TMEM86A: variants seen among roughly 807,000 people sequenced by gnomAD.
TMEM86A encodes the protein lysoplasmalogenase TMEM86A.
A neutral mutation model predicts 19.8 loss-of-function variants in TMEM86A; 13 were observed. That is an observed-to-expected ratio of 0.66 (90% confidence interval 0.43 to 1.04). The LOEUF is 1.04. Among genes scored for constraint, TMEM86A ranks in the 50% least tolerant of loss-of-function variants. TMEM86A has a pLI of 0.00. For missense variants in TMEM86A, 248 were observed against 306.8 expected, an observed-to-expected ratio of 0.81 and a Z score of 1.43; for synonymous variants, 128 against 129.9, an observed-to-expected ratio of 0.99 and a Z score of 0.10.
Position 18,704,628 on chromosome 11 carries a change from G to A in TMEM86A, c.*2619G>A. On this transcript the variant is annotated 3_prime_UTR_variant, in exon 3 of 3. Coordinates refer to ENST00000280734, the MANE Select transcript of TMEM86A (RefSeq NM_153347.3). ...CTGGACTTCCTATGCAGGAAACCAG[G>A]AGCTGGACCCTGGGACCCTTAATCT... 1.2e-6 allele frequency: 1 copy of A among 827,244 alleles called. No homozygotes were observed. Among genetic ancestry groups the A allele is most frequent in the African/African-American group, 1.7e-5 (1 of 59,136 alleles). The allele number at this position is 827,244 out of a possible 1,614,324, so 51.2% of individuals were successfully genotyped here. A position where few individuals can be genotyped will look rare whatever the true frequency, so the allele number is the denominator to read the frequency against.
intron 1 of TMEM86A, among the ~76,000 whole-genome samples, chr11:18,700,204 G>T (rs1848136127): frequency 6.6e-6 from 1 of 152,124 alleles, no homozygotes; most frequent in African/African-American, 2.4e-5. Flanking sequence ...GCCTCTTTCT[G>T]GTGTGGCTTG....
rs1848156069 is a variant in TMEM86A at position 18,702,005 on chromosome 11, A to G, written c.719A>G (p.Asn240Ser). The G allele has an allele frequency of 4.4e-6, 7 of 1,604,304 alleles. No homozygotes were observed. In the African/African-American group the frequency reaches 8.0e-5, roughly 18 times the overall value. ...PVEHYRLTKA[N>S] ...GAACACTACAGACTGACCAAGGCCA[A>G]CTGAGGTGCCAGGGTCTGGTCACCC... The change falls in exon 3 of 3, where the codon AAC becomes AGC. Residue 240 changes from asparagine (N) to serine (S), a missense_variant. Transcript: ENST00000280734.
chr11:18,698,854 C>T lies in TMEM86A; in HGVS notation c.-33C>T. The T allele has an allele frequency of 1.5e-6, 1 of 672,928 alleles. No homozygotes were observed. The highest frequency in any genetic ancestry group is 2.7e-6 in the Non-Finnish European group (1 of 375,230). The allele number at this position is 672,928 out of a possible 1,614,324, so 41.7% of individuals were successfully genotyped here. A position where few individuals can be genotyped will look rare whatever the true frequency, so the allele number is the denominator to read the frequency against. Reference sequence around the variant, plus strand: ...TGGGCGCGTCCTGGCCGCTGCAGCCCGGAGCAGGGTGCCAGCCGCCGCCGC... The same window carrying T: ...TGGGCGCGTCCTGGCCGCTGCAGCCTGGAGCAGGGTGCCAGCCGCCGCCGC... On this transcript the variant is annotated 5_prime_UTR_variant, in exon 1 of 3. Transcript: ENST00000280734.
In TMEM86A at chr11:18,701,626, C is replaced by G. The variant is rs200662128; in HGVS notation, c.340C>G (p.Gln114Glu). The change falls in exon 3 of 3, where the codon CAG (glutamine) becomes GAG (glutamate). Residue 114 changes from glutamine (Q) to glutamate (E), a missense_variant. Transcript: ENST00000280734. This position sits in a 1 kb window ranked among gnomAD's most constrained non-coding sequence, Gnocchi z 5.3. Reference protein sequence around the residue: ...HMFYASAFGMQPLALRTGLVM... With the variant: ...HMFYASAFGMEPLALRTGLVM... ...GTTCTACGCCTCGGCCTTTGGCATG[C>G]AGCCACTGGCTCTTCGGACAGGTCT... is the stretch of plus-strand genomic sequence containing the variant. 8.2e-6 allele frequency: 13 copies of G among 1,591,016 alleles called. No individual in the cohort carries two copies. The East Asian group carries it at 2.7e-4, about 33-fold the overall frequency.
At position 18,703,595 on chromosome 11, in the gene TMEM86A, A is replaced by G. The variant is rs1047990202; in HGVS notation, c.*1586A>G. The stretch of plus-strand genomic sequence containing the variant: ...CATTCATTAGTTGTAAAGCCCTGGC[A>G]GAATAATACATCACTCTGCTCCAGG... On this transcript the variant is annotated 3_prime_UTR_variant, in exon 3 of 3. Transcript: ENST00000280734. 3.9e-5 allele frequency: 6 copies of G among 152,240 alleles called. No homozygotes were observed. Among genetic ancestry groups the G allele is most frequent in the African/African-American group, 1.4e-4 (6 of 41,462 alleles). The allele number at this position is 152,240 out of a possible 1,614,324, so 9.4% of individuals were successfully genotyped here.
chr11:18,702,029 C>G lies in TMEM86A; in HGVS notation c.*20C>G. 1.3e-6 allele frequency: 2 copies of G among 1,598,038 alleles called. No homozygotes were observed. The highest frequency in any genetic ancestry group is 1.7e-6 in the Non-Finnish European group (2 of 1,176,988). On this transcript the variant is annotated 3_prime_UTR_variant, in exon 3 of 3. Transcript: ENST00000280734. Reference sequence around the variant, plus strand: ...AACTGAGGTGCCAGGGTCTGGTCACCCCTCTCTCCTCCTGGGGCTGGGGCC... The same window carrying G: ...AACTGAGGTGCCAGGGTCTGGTCACGCCTCTCTCCTCCTGGGGCTGGGGCC...
In TMEM86A at chr11:18,702,695, C is replaced by T. The variant is rs1325397355; in HGVS notation, c.*686C>T. 2 of 155,508 alleles carry T rather than the reference C, an allele frequency of 1.3e-5. No individual in the cohort carries two copies. Among genetic ancestry groups the T allele is most frequent in the African/African-American group, 4.8e-5 (2 of 41,452 alleles). The allele number at this position is 155,508 out of a possible 1,614,324, so 9.6% of individuals were successfully genotyped here. ...TAGCCCCATCTCTCTCTCGGGCAAGCCCAAAGCTCAGGTCCCATACGCTAC... is the reference window on the plus strand; with the variant it reads ...TAGCCCCATCTCTCTCTCGGGCAAGTCCAAAGCTCAGGTCCCATACGCTAC... On this transcript the variant is annotated 3_prime_UTR_variant, in exon 3 of 3. Coordinates refer to ENST00000280734, the MANE Select transcript of TMEM86A (RefSeq NM_153347.3).
At position 18,699,923 on chromosome 11, in the gene TMEM86A, C is replaced by T. The variant is rs1848134177; in HGVS notation, c.22-1010C>T. On this transcript the variant is annotated intron_variant, in intron 1 of 2. Transcript: ENST00000280734. The surrounding 1 kb of genome is among the most constrained non-coding windows in gnomAD (Gnocchi z 4.0). ...GCAGAGTGTGGGTGTACAGGGAACT[C>T]CAGCTGCTCCATATCACCCTCAATG... 1.3e-5 allele frequency: 2 copies of T among 152,298 alleles called. No individual in the cohort carries two copies. The highest frequency in any genetic ancestry group is 2.9e-5 in the Non-Finnish European group (2 of 68,096). The allele number at this position is 152,298 out of a possible 1,614,324, so 9.4% of individuals were successfully genotyped here.
intron 1 of TMEM86A, 116 bp from the exon 2 acceptor site, chr11:18,700,817 G>T: frequency 1.4e-6 from 2 of 1,410,790 alleles, no homozygotes; most frequent in East Asian, 2.3e-5. Flanking sequence ...CTCAGGTTGG[G>T]GGTGGAAGTG....
rs558072843 is a variant in TMEM86A, at chr11:18,704,610, T to C, written c.*2601T>C. On this transcript the variant is annotated 3_prime_UTR_variant, in exon 3 of 3. Coordinates refer to ENST00000280734, the MANE Select transcript of TMEM86A (RefSeq NM_153347.3). ...CAGGGAAATTCCAAACTGCTGGACT[T>C]CCTATGCAGGAAACCAGGAGCTGGA... The C allele has an allele frequency of 8.2e-6, 8 of 978,006 alleles. No individual in the cohort carries two copies. The African/African-American group carries it at 1.1e-4, about 14-fold the overall frequency. 60.6% of individuals were successfully genotyped at this position (978,006 alleles called of 1,614,324 possible).
chr11:18,701,561 T>C lies in TMEM86A; in HGVS notation c.287-12T>C. 1 of 1,537,576 alleles carries C rather than the reference T, an allele frequency of 6.5e-7. No homozygotes were observed. Among genetic ancestry groups the C allele is most frequent in the South Asian group, 1.3e-5 (1 of 78,154 alleles). On this transcript the variant is annotated splice_polypyrimidine_tract_variant and intron_variant, in intron 2 of 2. Transcript: ENST00000280734. The surrounding 1 kb of genome is among the most constrained non-coding windows in gnomAD (Gnocchi z 5.3). ...GCTTGCCCTCAGCTGCCTTTGCCCC[T>C]CTTACCCCCAGGTCTGCTGATGTTT...
chr11:18,704,297 C>A lies in TMEM86A; in HGVS notation c.*2288C>A. The A allele has an allele frequency of 1.6e-6, 1 of 612,268 alleles. No homozygotes were observed. Among genetic ancestry groups the A allele is most frequent in the Non-Finnish European group, 3.0e-6 (1 of 338,436 alleles). 37.9% of individuals were successfully genotyped at this position (612,268 alleles called of 1,614,324 possible). On this transcript the variant is annotated 3_prime_UTR_variant, in exon 3 of 3. Coordinates refer to ENST00000280734, the MANE Select transcript of TMEM86A (RefSeq NM_153347.3). ...TCCCCTTGGTCCCTGCTGTATATCA[C>A]CCTCAGGAACGGGAAAGGATGAGTT...
In TMEM86A at chr11:18,699,532, T is replaced by C. The variant is rs1848131372; in HGVS notation, c.21+625T>C. On this transcript the variant is annotated intron_variant, in intron 1 of 2. Transcript: ENST00000280734. The surrounding 1 kb of genome is among the most constrained non-coding windows in gnomAD (Gnocchi z 4.0). ...TAACTGTCAGGGTCTCTCCAGCTAC[T>C]GCCAGTATCTCCTTCTAGAAAATAT... is the stretch of plus-strand genomic sequence containing the variant. Among the ~76,000 whole-genome samples the C allele has an allele frequency of 1.3e-5, 2 of 152,212 alleles. No individual in the cohort carries two copies. Among genetic ancestry groups the C allele is most frequent in the African/African-American group, 4.8e-5 (2 of 41,446 alleles).
Position 18,701,903 on chromosome 11 carries a change from G to C in TMEM86A, c.617G>C (p.Arg206Pro). The change falls in exon 3 of 3, where the codon CGG (arginine) becomes CCG (proline). Residue 206 changes from arginine (R) to proline (P), a missense_variant. By Grantham distance (103) the Arg-to-Pro change is moderately radical. Coordinates refer to ENST00000280734, the MANE Select transcript of TMEM86A (RefSeq NM_153347.3). This position sits in a 1 kb window ranked among gnomAD's most constrained non-coding sequence, Gnocchi z 5.3. The part of the protein sequence containing the change: ...NKFCFPVPYS[R>P]ALIMSTYYVA... ...TTCTGTTTTCCTGTGCCCTACTCTC[G>C]GGCGCTTATCATGTCCACCTACTAT... 2 of 1,614,010 alleles carry C rather than the reference G, an allele frequency of 1.2e-6. No homozygotes were observed. Among genetic ancestry groups the C allele is most frequent in the Non-Finnish European group, 8.5e-7 (1 of 1,180,030 alleles).
Position 18,703,935 on chromosome 11 carries a change from G to T in TMEM86A, c.*1926G>T, listed in dbSNP as rs906023019. The T allele has an allele frequency of 6.6e-6, 1 of 152,194 alleles. No individual in the cohort carries two copies. The highest frequency in any genetic ancestry group is 2.4e-5 in the African/African-American group (1 of 41,368). 9.4% of individuals were successfully genotyped at this position (152,194 alleles called of 1,614,324 possible). A position where few individuals can be genotyped will look rare whatever the true frequency, so the allele number is the denominator to read the frequency against. On this transcript the variant is annotated 3_prime_UTR_variant, in exon 3 of 3. Transcript: ENST00000280734. ...TTTTGGAAGGATTCCACTGAAAAAC[G>T]TAAGTTTGAAACTTAGTGAGCTGGA...
rs1382036937 is a variant in TMEM86A at position 18,701,752 on chromosome 11, T to C, written c.466T>C (p.Phe156Leu). ...GGGGGTCTATGTGGCCCTTATCGGC[T>C]TCATGGGCTGGCGAGCTATGGCAGG... ...LVGVYVALIG[F>L]MGWRAMAGLR... The change falls in exon 3 of 3, where the codon TTC becomes CTC. Residue 156 changes from phenylalanine (F) to leucine (L), a missense_variant. Coordinates refer to ENST00000280734, the MANE Select transcript of TMEM86A (RefSeq NM_153347.3). The surrounding 1 kb of genome is among the most constrained non-coding windows in gnomAD (Gnocchi z 5.3). 6.2e-7 allele frequency: 1 copy of C among 1,614,160 alleles called. No individual in the cohort carries two copies. The highest frequency in any genetic ancestry group is 8.5e-7 in the Non-Finnish European group (1 of 1,180,024).
Position 18,704,391 on chromosome 11 carries a change from T to A in TMEM86A, c.*2382T>A. The A allele has an allele frequency of 4.2e-6, 4 of 945,258 alleles. No homozygotes were observed. The highest frequency in any genetic ancestry group is 5.0e-6 in the Non-Finnish European group (3 of 599,172). The allele number at this position is 945,258 out of a possible 1,614,324, so 58.6% of individuals were successfully genotyped here. A position where few individuals can be genotyped will look rare whatever the true frequency, so the allele number is the denominator to read the frequency against. On this transcript the variant is annotated 3_prime_UTR_variant, in exon 3 of 3. Transcript: ENST00000280734. ...ACACCAGAGAGCAAACTGGGCTTCC[T>A]ACACTGGGCCATGCAGAGGACAGGC...
chr11:18,699,654 C>T lies in TMEM86A; in HGVS notation c.21+747C>T, dbSNP rs1848132271. Among the ~76,000 whole-genome samples, 1 of 152,174 alleles carries T rather than the reference C, an allele frequency of 6.6e-6. No homozygotes were observed. Among genetic ancestry groups the T allele is most frequent in the Non-Finnish European group, 1.5e-5 (1 of 68,024 alleles). The stretch of plus-strand genomic sequence containing the variant: ...GCCTGGGCATCCCCTCCAGCCGCCT[C>T]CTCTGACCATGCCCCTACCCTGACC... On this transcript the variant is annotated intron_variant, in intron 1 of 2. Coordinates refer to ENST00000280734, the MANE Select transcript of TMEM86A (RefSeq NM_153347.3). The surrounding 1 kb of genome is among the most constrained non-coding windows in gnomAD (Gnocchi z 4.0).
intron 1 of TMEM86A, 45 bp downstream of exon 1, chr11:18,698,952 C>A: frequency 1.8e-6 from 1 of 554,218 alleles, no homozygotes; most frequent in Admixed American, 3.2e-5. Context: ...CGGCTGGAGC[C>A]CACCGGCCTG....
Sources: gnomAD v4.1 joint callset for allele counts (sites outside exome capture counted in the v4.1 genomes callset) on GRCh38, gnomAD v4.1.1 for gene constraint, Gnocchi (gnomAD v3.1) non-coding constraint, MANE v1.5 for transcripts, NCBI Gene and HGNC (gene_info 2026-07-23, HGNC 2026-07-21) for gene names.